Variants in TJP1 observed in about 807,000 individuals in gnomAD.
TJP1 encodes tight junction protein 1, also known as tight junction protein ZO-1.
TJP1 carries 43 observed loss-of-function variants against 194.2 expected under a neutral mutation model. That is an observed-to-expected ratio of 0.22 (90% CI 0.17 to 0.29). The LOEUF (loss-of-function observed/expected upper bound fraction) is 0.29, where lower values mean the gene tolerates loss of function less well. Ranked by LOEUF, TJP1 falls within the 10% of genes least tolerant of loss-of-function variation. The probability of loss-of-function intolerance (pLI) is 1.00; values close to 1 mark genes in which losing one functional copy is unlikely to be tolerated. For synonymous variants in TJP1, 801 were observed against 779.0 expected (o/e 1.03, Z -0.47); for missense variants, 1,971 against 2,185.7 (o/e 0.90, Z 1.96).
At chr15:29,943,526 G>A (rs953146519) in intron 2 of TJP1, among the ~76,000 whole-genome samples, 1 of 150,596 alleles carries the variant, frequency 6.6e-6, no homozygotes, top group Non-Finnish European at 1.5e-5. Flanking sequence ...TACTCAGGAG[G>A]CTGAGGCAGG....
At chr15:29,772,840 T>C (rs905216990) in intron 3 of TJP1, among the ~76,000 whole-genome samples, 3 of 152,132 alleles carry the variant, frequency 2.0e-5, no homozygotes, top group Non-Finnish European at 2.9e-5. Context: ...TCATGGCTCA[T>C]TGCAGCCTCA....
At chr15:29,843,925 C>G (rs972223158) in intron 2 of TJP1, among the ~76,000 whole-genome samples, 4 of 152,100 alleles carry the variant, frequency 2.6e-5, no homozygotes, top group African/African-American at 9.7e-5. Context: ...GTGGGAGAGG[C>G]CTTGATGTAT....
intron 24 of TJP1, among the ~76,000 whole-genome samples, chr15:29,710,148 A>G (rs906621976): frequency 5.9e-5 from 9 of 152,238 alleles, no homozygotes; most frequent in Non-Finnish European, 1.2e-4. Flanking sequence ...CGTCTCAAAA[A>G]GAGGAAAAAA....
chr15:29,791,673 G>A (rs555310652), intron 2 of TJP1, among the ~76,000 whole-genome samples: 25 of 151,994 alleles, frequency 1.6e-4, no homozygotes, highest in Admixed American at 5.2e-4. Flanking sequence ...GATTACAGGC[G>A]TGAGCCACCA....
intron 13 of TJP1, 88 bp from the exon 14 acceptor site, chr15:29,732,903 G>C (rs2151260631): frequency 7.5e-7 from 1 of 1,328,452 alleles, no homozygotes. Context: ...TACAATACTG[G>C]ATGGAAGTTC....
At chr15:29,898,804 A>G (rs2053554221) in intron 2 of TJP1, among the ~76,000 whole-genome samples, 1 of 152,240 alleles carries the variant, frequency 6.6e-6, no homozygotes. Flanking sequence ...ATACTTTTTC[A>G]CAAGCAATTT....
chr15:29,878,129 A>C (rs1460739839), intron 2 of TJP1, among the ~76,000 whole-genome samples: 1 of 152,106 alleles, frequency 6.6e-6, no homozygotes, highest in African/African-American at 2.4e-5. Context: ...AGCTCACTGC[A>C]AGCTCCGCCT....
At chr15:29,845,692 CTG>C (rs2152073527) in intron 2 of TJP1, among the ~76,000 whole-genome samples, 1 of 152,190 alleles carries the variant, frequency 6.6e-6, no homozygotes, top group East Asian at 1.9e-4. Context: ...GTAGCCCCAG[CTG>C]TCGGGAGGCT....
At position 29,909,338 on chromosome 15, in the gene TJP1, CAAAAAAAAA is replaced by C. The variant is rs11353216; in HGVS notation, c.306+46885_306+46893del. Among the ~76,000 whole-genome samples, 7 of 93,670 alleles carry C rather than the reference CAAAAAAAAA, an allele frequency of 7.5e-5. No homozygotes were observed. In the East Asian group the frequency reaches 2.1e-3, roughly 28 times the overall value. 61.5% of individuals were successfully genotyped at this position (93,670 alleles called of 152,430 possible). On this transcript the variant is annotated intron_variant, in intron 2 of 28. Coordinates refer to the TJP1 transcript ENST00000356107. Reference sequence around the variant, plus strand: ...GGGCGACAGAGCATGACTTCATCTCCAAAAAAAAAAAAAAAAAAAGAGGCTCACCAGAGA... The same window carrying C: ...GGGCGACAGAGCATGACTTCATCTCCAAAAAAAAAAGAGGCTCACCAGAGA...
At chr15:29,735,600 A>G (rs1301366424) in intron 11 of TJP1, among the ~76,000 whole-genome samples, 1 of 151,890 alleles carries the variant, frequency 6.6e-6, no homozygotes, top group Non-Finnish European at 1.5e-5. Context: ...AAAAAAAAAA[A>G]AAAAAAGAAA....
intron 2 of TJP1, among the ~76,000 whole-genome samples, chr15:29,923,784 T>C (rs2054441417): frequency 6.6e-6 from 1 of 152,212 alleles, no homozygotes; most frequent in South Asian, 2.1e-4. Context: ...AATTGTACAC[T>C]TTAAATGAGT....
chr15:29,716,467 A>G (rs1371135374), intron 23 of TJP1, 144 bp downstream of exon 23: 1 of 626,874 alleles, frequency 1.6e-6, no homozygotes, highest in East Asian at 2.8e-5. Flanking sequence ...CACATCCCAG[A>G]ACTAAAAAGT....
At chr15:29,951,473 C>G (rs2055750258) in intron 2 of TJP1, among the ~76,000 whole-genome samples, 1 of 151,956 alleles carries the variant, frequency 6.6e-6, no homozygotes, top group Admixed American at 6.6e-5. Flanking sequence ...TGGCCAGATG[C>G]TTTTTTATAT....
intron 2 of TJP1, among the ~76,000 whole-genome samples, chr15:29,795,918 C>T (rs1387236588): frequency 6.6e-6 from 1 of 151,922 alleles, no homozygotes; most frequent in East Asian, 1.9e-4. Context: ...GTCATACACA[C>T]ACAAAAAAAA....
rs936516775 is a variant in TJP1 at position 29,801,500 on chromosome 15, C to T, written c.28-798G>A. On this transcript the variant is annotated intron_variant, in intron 1 of 27. Coordinates refer to ENST00000614355, the MANE Select transcript of TJP1 (RefSeq NM_001330239.4). ...TTTTTGAGACGGAGTCTCGCTCTGTCGCCCAGGCTGGAGTGCAGTGGCGGG... is the reference window on the plus strand; with the variant it reads ...TTTTTGAGACGGAGTCTCGCTCTGTTGCCCAGGCTGGAGTGCAGTGGCGGG... 6.8e-5 allele frequency among the ~76,000 whole-genome samples: 10 copies of T among 147,442 alleles called. No homozygotes were observed. In the South Asian group the frequency reaches 8.6e-4, roughly 13 times the overall value.
At chr15:29,775,873 G>T (rs2046985116) in intron 2 of TJP1, among the ~76,000 whole-genome samples, 1 of 152,022 alleles carries the variant, frequency 6.6e-6, no homozygotes, top group Non-Finnish European at 1.5e-5. Context: ...CCAATTTCTG[G>T]AGAAAAAAGC....
At chr15:29,908,971 G>A (rs913947620) in intron 2 of TJP1, among the ~76,000 whole-genome samples, 7 of 152,002 alleles carry the variant, frequency 4.6e-5, no homozygotes, top group East Asian at 3.9e-4. Context: ...CGGCTAACAC[G>A]GTGAAACCCC....
chr15:29,921,050 C>T (rs1169734323), intron 2 of TJP1, among the ~76,000 whole-genome samples: 1 of 152,214 alleles, frequency 6.6e-6, no homozygotes, highest in Non-Finnish European at 1.5e-5. Flanking sequence ...GATATATGAG[C>T]GTTCCCTGTA....
chr15:29,838,701 A>G (rs2051119259), intron 2 of TJP1, among the ~76,000 whole-genome samples: 1 of 151,828 alleles, frequency 6.6e-6, no homozygotes, highest in African/African-American at 2.4e-5. Context: ...AACCACCACC[A>G]CCACTGAGGG....
Sources: allele counts gnomAD v4.1 joint callset (sites outside exome capture counted in the v4.1 genomes callset), GRCh38; gene constraint gnomAD v4.1.1; transcripts MANE v1.5; gene names NCBI Gene and HGNC (gene_info 2026-07-23, HGNC 2026-07-21).